HTR6: variants seen among roughly 807,000 people sequenced by gnomAD.
HTR6 encodes the protein 5-hydroxytryptamine receptor 6.
HTR6 carries 15 observed loss-of-function variants against 17.4 expected under a neutral mutation model. The ratio of observed to expected loss-of-function variants is 0.86; its 90% CI spans 0.58 to 1.33. HTR6 has a LOEUF of 1.33. HTR6 is among the 40% of genes most tolerant of loss of function. The pLI is 0.00. For missense variants in HTR6, 578 were observed against 616.0 expected (o/e 0.94, Z 0.65); for synonymous variants, 326 against 295.5 (o/e 1.10, Z -1.06).
rs779855634 is a variant in HTR6 at position 19,679,105 on chromosome 1, C to T, written c.1060C>T (p.Arg354Cys). The T allele has an allele frequency of 2.7e-5, 43 of 1,613,072 alleles. No individual in the cohort carries two copies. The highest frequency in any genetic ancestry group is 1.6e-4 in the Middle Eastern group (1 of 6,080). The change falls in exon 3 of 3, where the codon CGC becomes TGC. Residue 354 changes from arginine to cysteine, a missense_variant. By Grantham distance (180) the Arg-to-Cys change is radical (BLOSUM62 -3). Transcript: ENST00000289753. The surrounding 1 kb of genome is among the most constrained non-coding windows in gnomAD (Gnocchi z 4.9). Reference protein sequence around the residue: ...RQASLASPSLRTSHSGPRPGL... With the variant: ...RQASLASPSLCTSHSGPRPGL... ...GGCCAGCCTGGCCTCGCCATCACTG[C>T]GCACCTCTCACAGCGGCCCCCGGCC...
chr1:19,666,942 T>C lies in HTR6; in HGVS notation c.714+475T>C, dbSNP rs551564613. 5.9e-5 allele frequency among the ~76,000 whole-genome samples: 9 copies of C among 152,072 alleles called. No individual in the cohort carries two copies. The East Asian group carries it at 1.2e-3, about 20-fold the overall frequency. ...TGCTTCTGCCGCAGACCCAGTACTC[T>C]CCATCTTCTGCATAGAAGCTGGAGC... On this transcript the variant is annotated intron_variant, in intron 1 of 2. Transcript: ENST00000289753. The surrounding 1 kb of genome is among the most constrained non-coding windows in gnomAD (Gnocchi z 4.5).
rs917720179 is a variant in HTR6, at chr1:19,680,154, G to A, written c.*786G>A. Among the ~76,000 whole-genome samples, 7 of 152,208 alleles carry A rather than the reference G, an allele frequency of 4.6e-5. No individual in the cohort carries two copies. Among genetic ancestry groups the A allele is most frequent in the African/African-American group, 1.7e-4 (7 of 41,448 alleles). ...TAGAGAAATGATGCCTATCTTGCAG[G>A]TTGTCTTGAGAATTAAGACAATGTG... is the stretch of plus-strand genomic sequence containing the variant. On this transcript the variant is annotated 3_prime_UTR_variant, in exon 3 of 3. Transcript: ENST00000289753.
At chr1:19,671,091 A>G (rs574799761) in intron 1 of HTR6, among the ~76,000 whole-genome samples, 193 of 152,320 alleles carry the variant, frequency 1.3e-3, no homozygotes, top group African/African-American at 4.5e-3. Flanking sequence ...AGTTAGGAGT[A>G]CAGACATTAA....
intron 1 of HTR6, among the ~76,000 whole-genome samples, chr1:19,671,516 C>T (rs1446711898): frequency 6.6e-6 from 1 of 152,220 alleles, no homozygotes; most frequent in Non-Finnish European, 1.5e-5. Context: ...CATTGGCCCT[C>T]CTGGGTCACC....
chr1:19,666,411 G>A lies in HTR6; in HGVS notation c.658G>A (p.Val220Met), dbSNP rs200171714. 2.9e-5 allele frequency: 46 copies of A among 1,613,444 alleles called. No homozygotes were observed. In the South Asian group the frequency reaches 4.2e-4, roughly 15 times the overall value. Reference sequence around the variant, plus strand: ...CCTGCTAGCTGCCCGCAAGCAGGCCGTGCAGGTGGCCTCCCTCACCACCGG... The same window carrying A: ...CCTGCTAGCTGCCCGCAAGCAGGCCATGCAGGTGGCCTCCCTCACCACCGG... ...RILLAARKQA[V>M]QVASLTTGMA... The change falls in exon 1 of 3, where the codon GTG (valine) becomes ATG (methionine). Residue 220 changes from valine to methionine, a missense_variant. Transcript: ENST00000289753. This position sits in a 1 kb window ranked among gnomAD's most constrained non-coding sequence, Gnocchi z 4.5.
At position 19,679,264 on chromosome 1, in the gene HTR6, G is replaced by A; in HGVS notation, c.1219G>A (p.Asp407Asn). The change falls in exon 3 of 3, where the codon GAC becomes AAC. Residue 407 changes from aspartate to asparagine, a missense_variant. Asp to Asn is a conservative substitution (Grantham distance 23, BLOSUM62 1). Coordinates refer to ENST00000289753, the MANE Select transcript of HTR6 (RefSeq NM_000871.3). This position sits in a 1 kb window ranked among gnomAD's most constrained non-coding sequence, Gnocchi z 4.9. Reference protein sequence around the residue: ...QLLLPGEATQDPPLPTRAAAA... With the variant: ...QLLLPGEATQNPPLPTRAAAA... ...GCTGCTTCCTGGCGAGGCCACCCAG[G>A]ACCCCCCGCTGCCCACCAGGGCCGC... 1.9e-6 allele frequency: 3 copies of A among 1,601,428 alleles called. No individual in the cohort carries two copies. The highest frequency in any genetic ancestry group is 2.6e-6 in the Non-Finnish European group (3 of 1,175,882).
chr1:19,679,158 G>T lies in HTR6; in HGVS notation c.1113G>T (p.Pro371=), dbSNP rs377066286. 1 of 1,601,054 alleles carries T rather than the reference G, an allele frequency of 6.2e-7. No individual in the cohort carries two copies. ...GCCTTAGCCTACAGCAGGTGCTGCCGCTGCCCCTGCCGCCGGACTCAGATT... is the reference window on the plus strand; with the variant it reads ...GCCTTAGCCTACAGCAGGTGCTGCCTCTGCCCCTGCCGCCGGACTCAGATT... ...RPGLSLQQVL[P]LPLPPDSDSD... is the part of the protein sequence containing the mutation. The change falls in exon 3 of 3, where the codon CCG becomes CCT. Residue 371 remains proline, a synonymous_variant. Transcript: ENST00000289753. The surrounding 1 kb of genome is among the most constrained non-coding windows in gnomAD (Gnocchi z 4.9).
In HTR6 at chr1:19,666,007, T is replaced by C. The variant is rs1416129849; in HGVS notation, c.254T>C (p.Leu85Pro). 1.9e-6 allele frequency: 3 copies of C among 1,613,816 alleles called. No homozygotes were observed. The highest frequency in any genetic ancestry group is 1.3e-5 in the African/African-American group (1 of 74,942). Residue 85 changes from leucine (L) to proline (P), a missense_variant, in exon 1 of 3, where the codon CTG becomes CCG. Leu to Pro is a moderately conservative substitution (Grantham distance 98). Coordinates refer to ENST00000289753, the MANE Select transcript of HTR6 (RefSeq NM_000871.3). The surrounding 1 kb of genome is among the most constrained non-coding windows in gnomAD (Gnocchi z 4.5). ...CTGGTGGTGATGCCGCCGGCCATGC[T>C]GAACGCGCTGTACGGGCGCTGGGTG... The part of the protein sequence containing the change: ...VGLVVMPPAM[L>P]NALYGRWVLA...
Position 19,666,279 on chromosome 1 carries a change from G to A in HTR6, c.526G>A (p.Val176Ile), listed in dbSNP as rs1317271703. 1 of 1,611,416 alleles carries A rather than the reference G, an allele frequency of 6.2e-7. No individual in the cohort carries two copies. The part of the protein sequence containing the change: ...WHELGHARPP[V>I]PGQCRLLASL... The stretch of plus-strand genomic sequence containing the variant: ...CGAGCTGGGCCACGCACGGCCACCC[G>A]TCCCTGGCCAGTGCCGCCTGCTGGC... Residue 176 changes from valine (V) to isoleucine (I), a missense_variant, in exon 1 of 3, where the codon GTC becomes ATC. Transcript: ENST00000289753. This position sits in a 1 kb window ranked among gnomAD's most constrained non-coding sequence, Gnocchi z 4.5.
In HTR6 at chr1:19,680,765, CT is replaced by C. The variant is rs560243437; in HGVS notation, c.*1401del. On this transcript the variant is annotated 3_prime_UTR_variant, in exon 3 of 3. Coordinates refer to ENST00000289753, the MANE Select transcript of HTR6 (RefSeq NM_000871.3). Reference sequence around the variant, plus strand: ...TCGCCAGTTTACCTGCCATAGGTCCCTTTTCAGCCCTGCCTCCCCCAAGTTC... The same window carrying C: ...TCGCCAGTTTACCTGCCATAGGTCCCTTTCAGCCCTGCCTCCCCCAAGTTC... 2.0e-5 allele frequency among the ~76,000 whole-genome samples: 3 copies of C among 152,268 alleles called. No homozygotes were observed. The highest frequency in any genetic ancestry group is 4.1e-4 in the South Asian group (2 of 4,824).
At chr1:19,672,480 G>A (rs974121685) in intron 1 of HTR6, among the ~76,000 whole-genome samples, 1 of 152,258 alleles carries the variant, frequency 6.6e-6, no homozygotes, top group South Asian at 2.1e-4. Context: ...GGGAGAGGCT[G>A]GCAGAGTGAC....
At chr1:19,678,353 G>T (rs2095096889) in intron 1 of HTR6, among the ~76,000 whole-genome samples, 1 of 151,830 alleles carries the variant, frequency 6.6e-6, no homozygotes, top group Non-Finnish European at 1.5e-5. Context: ...CCAAGGTCAG[G>T]GCTTGGTTTA....
chr1:19,669,567 C>G (rs909419850), intron 1 of HTR6, among the ~76,000 whole-genome samples: 1 of 152,132 alleles, frequency 6.6e-6, no homozygotes, highest in Non-Finnish European at 1.5e-5. Flanking sequence ...ATGCTTTGCT[C>G]GGGGACCCCA....
At chr1:19,670,299 C>T (rs2095086560) in intron 1 of HTR6, among the ~76,000 whole-genome samples, 1 of 151,782 alleles carries the variant, frequency 6.6e-6, no homozygotes, top group Non-Finnish European at 1.5e-5. Flanking sequence ...AAGAGTAGCA[C>T]CTCTCACCCT....
At position 19,666,348 on chromosome 1, in the gene HTR6, C is replaced by T. The variant is rs1291942132; in HGVS notation, c.595C>T (p.Leu199=). The T allele has an allele frequency of 6.2e-7, 1 of 1,613,742 alleles. No homozygotes were observed. Among genetic ancestry groups the T allele is most frequent in the Non-Finnish European group, 8.5e-7 (1 of 1,179,972 alleles). Residue 199 remains leucine (L), a synonymous_variant, in exon 1 of 3, where the codon CTG becomes TTG. Coordinates refer to ENST00000289753, the MANE Select transcript of HTR6 (RefSeq NM_000871.3). The surrounding 1 kb of genome is among the most constrained non-coding windows in gnomAD (Gnocchi z 4.5). Reference sequence around the variant, plus strand: ...TGTGGCGTCGGGCCTCACCTTCTTCCTGCCCTCGGGTGCCATATGCTTCAC... The same window carrying T: ...TGTGGCGTCGGGCCTCACCTTCTTCTTGCCCTCGGGTGCCATATGCTTCAC... ...VLVASGLTFF[L]PSGAICFTYC...
intron 1 of HTR6, among the ~76,000 whole-genome samples, chr1:19,677,353 G>C (rs1181909511): frequency 6.6e-6 from 1 of 152,142 alleles, no homozygotes; most frequent in Non-Finnish European, 1.5e-5. Flanking sequence ...GGGCCAGTTT[G>C]CAAAGTCAAA....
chr1:19,680,504 C>T lies in HTR6; in HGVS notation c.*1136C>T, dbSNP rs910209089. On this transcript the variant is annotated 3_prime_UTR_variant, in exon 3 of 3. Coordinates refer to ENST00000289753, the MANE Select transcript of HTR6 (RefSeq NM_000871.3). ...AGCCTCAGAACTGGTTTTCCTCAATCCTGGGGGGTCCTTGGACCTAGAAGG... is the reference window on the plus strand; with the variant it reads ...AGCCTCAGAACTGGTTTTCCTCAATTCTGGGGGGTCCTTGGACCTAGAAGG... Among the ~76,000 whole-genome samples, 3 of 152,218 alleles carry T rather than the reference C, an allele frequency of 2.0e-5. No homozygotes were observed. The highest frequency in any genetic ancestry group is 7.2e-5 in the African/African-American group (3 of 41,440).
chr1:19,675,710 G>A (rs1196703485), intron 1 of HTR6, among the ~76,000 whole-genome samples: 2 of 152,086 alleles, frequency 1.3e-5, no homozygotes, highest in Non-Finnish European at 2.9e-5. Context: ...CTAAGGGTCA[G>A]AGCGATGCCT....
rs763904271 is a variant in HTR6, at chr1:19,679,223, G to A, written c.1178G>A (p.Arg393Gln). Residue 393 changes from arginine to glutamine, a missense_variant, in exon 3 of 3, where the codon CGG (arginine) becomes CAG (glutamine). Coordinates refer to ENST00000289753, the MANE Select transcript of HTR6 (RefSeq NM_000871.3). This position sits in a 1 kb window ranked among gnomAD's most constrained non-coding sequence, Gnocchi z 4.9. ...DAGSGGSSGL[R>Q]LTAQLLLPGE... ...GGCTCAGGCGGCTCCTCGGGCCTGC[G>A]GCTCACGGCCCAGCTGCTGCTTCCT... The A allele has an allele frequency of 8.3e-6, 13 of 1,570,428 alleles. 1 individual carries two copies. The highest frequency in any genetic ancestry group is 3.4e-5 in the South Asian group (3 of 86,962).
Sources: allele counts gnomAD v4.1 joint callset (sites outside exome capture counted in the v4.1 genomes callset), GRCh38; gene constraint gnomAD v4.1.1; non-coding constraint Gnocchi (gnomAD v3.1); transcripts MANE v1.5; gene names NCBI Gene and HGNC (gene_info 2026-07-23, HGNC 2026-07-21).